TNFAIP8L3: variants seen among roughly 807,000 people sequenced by gnomAD.
TNFAIP8L3 encodes TNF alpha induced protein 8 like 3.
In TNFAIP8L3, 7 loss-of-function variants were observed where a neutral mutation model predicts 11.8. That is an observed-to-expected ratio of 0.59 (90% CI 0.34 to 1.11). The LOEUF is 1.11. Ranked by LOEUF, TNFAIP8L3 falls within the 50% of genes most tolerant of loss-of-function variation. The pLI is 0.03. For missense variants in TNFAIP8L3, 219 were observed against 258.6 expected (o/e 0.85, Z 1.05); for synonymous variants, 98 against 103.8 (o/e 0.94, Z 0.34).
intron 1 of TNFAIP8L3, among the ~76,000 whole-genome samples, chr15:51,082,195 A>C (rs1407325907): frequency 6.6e-6 from 1 of 152,156 alleles, no homozygotes; most frequent in East Asian, 1.9e-4. Context: ...GTACTTATAC[A>C]AACCTAGATG....
chr15:51,101,280 T>C (rs1193972419), intron 1 of TNFAIP8L3, among the ~76,000 whole-genome samples: 2 of 152,210 alleles, frequency 1.3e-5, no homozygotes, highest in African/African-American at 2.4e-5. Flanking sequence ...GTTTGGCTTC[T>C]CAGACCTGTG....
chr15:51,061,505 A>T (rs1386781911), intron 1 of TNFAIP8L3, among the ~76,000 whole-genome samples: 1 of 152,224 alleles, frequency 6.6e-6, no homozygotes, highest in Admixed American at 6.5e-5. Context: ...AATACCCATT[A>T]TTGTACACTT....
At position 51,058,343 on chromosome 15, in the gene TNFAIP8L3, G is replaced by A. The variant is rs746566649; in HGVS notation, c.153C>T (p.Asp51=). Reference sequence around the variant, plus strand: ...GCTCATCAAAGATCTCGCTGCTGGTGTCATCAATCAACATGTTGGCCACAG... The same window carrying A: ...GCTCATCAAAGATCTCGCTGCTGGTATCATCAATCAACATGTTGGCCACAG... ...SKTVANMLID[D]TSSEIFDELY... is the part of the protein sequence containing the mutation. The change falls in exon 2 of 2, where the codon GAC becomes GAT. Residue 51 remains aspartate, a synonymous_variant. Transcript: ENST00000637513. The A allele has an allele frequency of 9.3e-6, 15 of 1,614,136 alleles. No homozygotes were observed. The highest frequency in any genetic ancestry group is 1.2e-5 in the Non-Finnish European group (14 of 1,180,042).
At chr15:51,083,497 G>C (rs1384549365) in intron 1 of TNFAIP8L3, among the ~76,000 whole-genome samples, 1 of 152,228 alleles carries the variant, frequency 6.6e-6, no homozygotes, top group Non-Finnish European at 1.5e-5. Context: ...GGGTTGCAGA[G>C]GGCATGTGGG....
intron 1 of TNFAIP8L3, 123 bp from the exon 2 acceptor site, chr15:51,058,566 C>A: frequency 1.1e-6 from 1 of 893,288 alleles, no homozygotes; most frequent in Non-Finnish European, 1.6e-6. Context: ...TCTTTATATT[C>A]CCTCGCTCCC....
intron 1 of TNFAIP8L3, among the ~76,000 whole-genome samples, chr15:51,102,286 T>C (rs578158604): frequency 9.8e-4 from 149 of 152,336 alleles, no homozygotes; most frequent in African/African-American, 3.5e-3. Context: ...TATCCTCTCG[T>C]GGTTTATGTT....
At chr15:51,093,998 C>T (rs950036919) in intron 1 of TNFAIP8L3, among the ~76,000 whole-genome samples, 5 of 152,166 alleles carry the variant, frequency 3.3e-5, no homozygotes, top group African/African-American at 1.2e-4. Flanking sequence ...TCTCCGCCGG[C>T]TGCGCGGCAG....
chr15:51,094,852 G>A lies in TNFAIP8L3; in HGVS notation c.-257C>T. 2.9e-6 allele frequency: 1 copy of A among 349,488 alleles called. No homozygotes were observed. Among genetic ancestry groups the A allele is most frequent in the Non-Finnish European group, 4.0e-6 (1 of 249,864 alleles). The allele number at this position is 349,488 out of a possible 1,614,324, so 21.6% of individuals were successfully genotyped here. On this transcript the variant is annotated 5_prime_UTR_variant, in exon 1 of 2. Coordinates refer to ENST00000637513, the MANE Select transcript of TNFAIP8L3 (RefSeq NM_001311175.2). The surrounding 1 kb of genome is among the most constrained non-coding windows in gnomAD (Gnocchi z 4.4). ...GGGCGGAGGGTGGGGCGCTCCGGGA[G>A]ACAGCCGGGAGGAGGGAGGGGAGGC... is the stretch of plus-strand genomic sequence containing the variant.
At chr15:51,078,478 C>T (rs2065370379) in intron 1 of TNFAIP8L3, among the ~76,000 whole-genome samples, 1 of 152,060 alleles carries the variant, frequency 6.6e-6, no homozygotes, top group South Asian at 2.1e-4. Flanking sequence ...CTCCAGGCCT[C>T]CTCCTCCTCT....
intron 1 of TNFAIP8L3, among the ~76,000 whole-genome samples, chr15:51,078,462 AGCCTCCTCCAG>A (rs1276306674): frequency 6.6e-6 from 1 of 151,710 alleles, no homozygotes; most frequent in Non-Finnish European, 1.5e-5. Context: ...GGCCCTCCTT[AGCCTCCTCCAG>A]GCCTCCTCCT....
intron 1 of TNFAIP8L3, among the ~76,000 whole-genome samples, chr15:51,092,679 T>C (rs2065480236): frequency 1.3e-5 from 2 of 152,222 alleles, no homozygotes; most frequent in Admixed American, 6.5e-5. Context: ...TTAGTGATGT[T>C]TGCTGTCAGC....
intron 1 of TNFAIP8L3, among the ~76,000 whole-genome samples, chr15:51,061,170 T>C (rs1433403077): frequency 1.3e-5 from 2 of 152,182 alleles, no homozygotes; most frequent in African/African-American, 4.8e-5. Flanking sequence ...TCAACATTTA[T>C]TTTATTTTGT....
chr15:51,068,114 T>C (rs1441817049), intron 1 of TNFAIP8L3, among the ~76,000 whole-genome samples: 1 of 152,244 alleles, frequency 6.6e-6, no homozygotes, highest in Non-Finnish European at 1.5e-5. Context: ...CTCGTGTTTC[T>C]GATCTTTAGC....
chr15:51,099,824 G>A (rs1025562186), upstream of TNFAIP8L3, among the ~76,000 whole-genome samples: 3 of 152,204 alleles, frequency 2.0e-5, no homozygotes, highest in Non-Finnish European at 4.4e-5. Context: ...GACCCATGAG[G>A]TTTCAGCGGC....
chr15:51,057,679 T>A lies in TNFAIP8L3; in HGVS notation c.*202A>T. 1.8e-6 allele frequency: 1 copy of A among 546,308 alleles called. No homozygotes were observed. The highest frequency in any genetic ancestry group is 4.8e-4 in the Middle Eastern group (1 of 2,102). 33.8% of individuals were successfully genotyped at this position (546,308 alleles called of 1,614,324 possible). On this transcript the variant is annotated 3_prime_UTR_variant, in exon 2 of 2. Coordinates refer to ENST00000637513, the MANE Select transcript of TNFAIP8L3 (RefSeq NM_001311175.2). The stretch of plus-strand genomic sequence containing the variant: ...TCCTTTGGGCTTGCACACAGGTGAT[T>A]TTAAGTAGAAACCTTGCTAGAAAGC...
intron 1 of TNFAIP8L3, among the ~76,000 whole-genome samples, chr15:51,079,571 G>A (rs141332604): frequency 8.5e-5 from 13 of 152,262 alleles, no homozygotes; most frequent in South Asian, 8.3e-4. Flanking sequence ...CCTCCAACCA[G>A]GGGCCTGAGA....
At chr15:51,104,043 G>A (rs1014979178) in intron 1 of TNFAIP8L3, among the ~76,000 whole-genome samples, 1 of 152,156 alleles carries the variant, frequency 6.6e-6, no homozygotes, top group Non-Finnish European at 1.5e-5. Flanking sequence ...CCTCAATCAC[G>A]TCTTTCCAAC....
chr15:51,093,245 G>T (rs1174610050), intron 1 of TNFAIP8L3, among the ~76,000 whole-genome samples: 2 of 152,122 alleles, frequency 1.3e-5, no homozygotes, highest in East Asian at 1.9e-4. Flanking sequence ...TTTCCTTTCC[G>T]CCAGCCTTGG....
rs1378934194 is a variant in TNFAIP8L3, at chr15:51,094,045, G to A, written c.52+499C>T. Among the ~76,000 whole-genome samples the A allele has an allele frequency of 6.6e-6, 1 of 152,010 alleles. No homozygotes were observed. Among genetic ancestry groups the A allele is most frequent in the Admixed American group, 6.5e-5 (1 of 15,272 alleles). On this transcript the variant is annotated intron_variant, in intron 1 of 1. Coordinates refer to ENST00000637513, the MANE Select transcript of TNFAIP8L3 (RefSeq NM_001311175.2). This position sits in a 1 kb window ranked among gnomAD's most constrained non-coding sequence, Gnocchi z 4.4. ...GTGCATGGGCTCTCCTAGCAGCCTCGGGAACCGCGGCCGCAAGCTGTGGTT... is the reference window on the plus strand; with the variant it reads ...GTGCATGGGCTCTCCTAGCAGCCTCAGGAACCGCGGCCGCAAGCTGTGGTT...
Sources: allele counts gnomAD v4.1 joint callset (sites outside exome capture counted in the v4.1 genomes callset), GRCh38; gene constraint gnomAD v4.1.1; non-coding constraint Gnocchi (gnomAD v3.1); transcripts MANE v1.5; gene names NCBI Gene and HGNC (gene_info 2026-07-23, HGNC 2026-07-21).